The following CDH11 variants were observed in gnomAD, a reference collection of about 807,000 sequenced individuals.
The protein encoded by CDH11 is cadherin 11, also known as cadherin-11.
A neutral mutation model predicts 67.8 loss-of-function variants in CDH11; 11 were observed. The observed-to-expected ratio is 0.16, with a 90% CI of 0.10 to 0.27. The LOEUF is 0.27. CDH11 is among the 10% of genes least tolerant of loss of function. CDH11 has a pLI of 1.00. For synonymous variants in CDH11, 419 were observed against 400.0 expected (o/e 1.05, Z -0.57); for missense variants, 847 against 1,031.2 (o/e 0.82, Z 2.45).
chr16:65,023,152 T>C (rs2073460284), intron 2 of CDH11, among the ~76,000 whole-genome samples: 1 of 152,210 alleles, frequency 6.6e-6, no homozygotes, highest in African/African-American at 2.4e-5. Context: ...TGCTTCTGCC[T>C]GTCCAGGACT....
At chr16:65,114,450 A>G (rs1020000799) in intron 1 of CDH11, among the ~76,000 whole-genome samples, 1 of 152,042 alleles carries the variant, frequency 6.6e-6, no homozygotes, top group Non-Finnish European at 1.5e-5. Context: ...ATGAGCTTAG[A>G]TAAGTGTCTT....
chr16:65,007,189 A>G (rs2073076499), intron 2 of CDH11: 1 of 152,258 alleles, frequency 6.6e-6, no homozygotes, highest in African/African-American at 2.4e-5. Context: ...TGACTTTGCC[A>G]TCCCAAGTCT....
intron 6 of CDH11, 36 bp from the exon 7 acceptor site, chr16:64,988,380 T>C (rs765577364): frequency 2.6e-6 from 4 of 1,543,544 alleles, no homozygotes; most frequent in Middle Eastern, 1.7e-4. Flanking sequence ...ATTTTCTCTT[T>C]TATTTGGCAG....
Position 65,121,958 on chromosome 16 carries a change from CCCCAGTCCCGGT to C in CDH11, c.-388_-377del. ...GCAAGCGCTGCGGTGTCAGTCCCGGCCCCAGTCCCGGTCCCATTCACAAGTCAGCGGCGGCTG... is the reference window on the plus strand; with the variant it reads ...GCAAGCGCTGCGGTGTCAGTCCCGGCCCCATTCACAAGTCAGCGGCGGCTG... On this transcript the variant is annotated 5_prime_UTR_variant, in exon 1 of 13. Coordinates refer to ENST00000268603, the MANE Select transcript of CDH11 (RefSeq NM_001797.4). The surrounding 1 kb of genome is among the most constrained non-coding windows in gnomAD (Gnocchi z 4.1). 1.4e-6 allele frequency: 1 copy of C among 701,774 alleles called. No individual in the cohort carries two copies. Among genetic ancestry groups the C allele is most frequent in the Non-Finnish European group, 2.6e-6 (1 of 384,538 alleles). 43.5% of individuals were successfully genotyped at this position (701,774 alleles called of 1,614,324 possible). A position where few individuals can be genotyped will look rare whatever the true frequency, so the allele number is the denominator to read the frequency against.
At chr16:65,052,032 T>A (rs1329658065) in intron 2 of CDH11, among the ~76,000 whole-genome samples, 2 of 152,194 alleles carry the variant, frequency 1.3e-5, no homozygotes, top group Non-Finnish European at 2.9e-5. Flanking sequence ...AGGGGAGTGA[T>A]ACACTTAACA....
chr16:65,048,477 G>C (rs1183359579), intron 2 of CDH11, among the ~76,000 whole-genome samples: 1 of 152,016 alleles, frequency 6.6e-6, no homozygotes, highest in Non-Finnish European at 1.5e-5. Flanking sequence ...CAATAGCAAA[G>C]TCATGGAATC....
chr16:65,011,920 G>A (rs1239165325), intron 2 of CDH11, among the ~76,000 whole-genome samples: 1 of 152,150 alleles, frequency 6.6e-6, no homozygotes, highest in African/African-American at 2.4e-5. Flanking sequence ...ACCTCCCTTT[G>A]TCTCCAAGCA....
chr16:65,123,084 AGTC>A (rs2075362941), upstream of CDH11, among the ~76,000 whole-genome samples: 1 of 152,042 alleles, frequency 6.6e-6, no homozygotes, highest in Non-Finnish European at 1.5e-5. Context: ...TCCCTCCCCG[AGTC>A]GCCGGGAGAA....
At chr16:65,080,409 T>C (rs193072341) in intron 1 of CDH11, among the ~76,000 whole-genome samples, 18 of 152,330 alleles carry the variant, frequency 1.2e-4, no homozygotes, top group African/African-American at 4.3e-4. Context: ...TGTACATATT[T>C]CAGATTATTT....
chr16:64,985,213 A>G (rs962970955), intron 7 of CDH11: 1 of 152,202 alleles, frequency 6.6e-6, no homozygotes, highest in South Asian at 2.1e-4. Context: ...TTTCCTGTGC[A>G]CTATTAAACT....
chr16:65,017,262 G>A (rs2073330013), intron 2 of CDH11, among the ~76,000 whole-genome samples: 1 of 152,154 alleles, frequency 6.6e-6, no homozygotes. Context: ...ACTCAAGATG[G>A]AGTCACTCTG....
At chr16:65,103,467 T>A (rs1021188223) in intron 1 of CDH11, among the ~76,000 whole-genome samples, 8 of 152,176 alleles carry the variant, frequency 5.3e-5, no homozygotes, top group Non-Finnish European at 1.2e-4. Context: ...ATAAAATATG[T>A]TAAATCTGAA....
intron 2 of CDH11, among the ~76,000 whole-genome samples, chr16:65,032,081 GGCAAAGGAAAATATCATATT>G (rs1435775559): frequency 6.6e-6 from 1 of 152,048 alleles, no homozygotes; most frequent in Non-Finnish European, 1.5e-5. Context: ...ATGGAATAAA[GGCAAAGGAAAATATCATATT>G]GCAAACCTGT....
chr16:65,042,674 C>A (rs1322994812), intron 2 of CDH11, among the ~76,000 whole-genome samples: 1 of 152,148 alleles, frequency 6.6e-6, no homozygotes, highest in Admixed American at 6.5e-5. Context: ...GCAAGAAAAC[C>A]CCCACTTCAC....
intron 2 of CDH11, among the ~76,000 whole-genome samples, chr16:65,041,815 A>G (rs2073872994): frequency 6.6e-6 from 1 of 152,222 alleles, no homozygotes; most frequent in Admixed American, 6.5e-5. Flanking sequence ...TGGGTCAGGC[A>G]AGCCGGAGCA....
At chr16:65,076,602 A>C (rs2142785158) in intron 1 of CDH11, among the ~76,000 whole-genome samples, 1 of 152,162 alleles carries the variant, frequency 6.6e-6, no homozygotes, top group South Asian at 2.1e-4. Flanking sequence ...ATAGGTATAC[A>C]CGTGCCATGG....
intron 1 of CDH11, among the ~76,000 whole-genome samples, chr16:65,107,155 T>C (rs1220402461): frequency 6.6e-6 from 1 of 152,104 alleles, no homozygotes; most frequent in Admixed American, 6.5e-5. Context: ...CTTAAGTCTG[T>C]CTCCCTATAA....
intron 2 of CDH11, among the ~76,000 whole-genome samples, chr16:65,010,840 T>G (rs1453912217): frequency 6.6e-6 from 1 of 151,880 alleles, no homozygotes; most frequent in East Asian, 1.9e-4. Flanking sequence ...GTCATAAAAG[T>G]AGATACTATC....
chr16:64,973,155 AT>A (rs2072061228), intron 8 of CDH11, 115 bp from the exon 9 acceptor site: 1 of 1,015,262 alleles, frequency 9.8e-7, no homozygotes, highest in Non-Finnish European at 1.4e-6. Context: ...CTTAAGCTAG[AT>A]TTTCTTTCTA....
Sources: gnomAD v4.1 joint callset for allele counts (sites outside exome capture counted in the v4.1 genomes callset) on GRCh38, gnomAD v4.1.1 for gene constraint, Gnocchi (gnomAD v3.1) non-coding constraint, MANE v1.5 for transcripts, NCBI Gene and HGNC (gene_info 2026-07-23, HGNC 2026-07-21) for gene names.